SPTBN5: variants seen among roughly 807,000 people sequenced by gnomAD.
SPTBN5 encodes the protein spectrin beta chain, non-erythrocytic 5.
Under a neutral mutation model 477.6 loss-of-function variants are expected in SPTBN5, and 513 were observed. That is an observed-to-expected ratio of 1.07 (90% CI 1.00 to 1.16). The LOEUF (loss-of-function observed/expected upper bound fraction) is 1.16. Ranked by LOEUF, SPTBN5 falls within the 50% of genes most tolerant of loss-of-function variation. The pLI, the probability that SPTBN5 is intolerant of heterozygous loss-of-function variation, is 0.00. For missense variants in SPTBN5, 5,062 were observed against 4,731.8 expected (o/e 1.07, Z -2.05); for synonymous variants, 2,169 against 2,011.7 (o/e 1.08, Z -2.09).
Position 41,871,809 on chromosome 15 carries a change from G to A in SPTBN5, c.5274C>T (p.Ser1758=). 6.3e-7 allele frequency: 1 copy of A among 1,591,684 alleles called. No homozygotes were observed. The highest frequency in any genetic ancestry group is 1.7e-5 in the Admixed American group (1 of 57,778). The change falls in exon 28 of 68, where the codon AGC becomes AGT. Residue 1758 remains serine (S), a synonymous_variant. Coordinates refer to ENST00000320955, the MANE Select transcript of SPTBN5 (RefSeq NM_016642.4). Reference sequence around the variant, plus strand: ...GGGCGTGCTCGGGGTCCTCTCCCAGGCTCTCCCCTCCTTTGGCTGCCTGCT... The same window carrying A: ...GGGCGTGCTCGGGGTCCTCTCCCAGACTCTCCCCTCCTTTGGCTGCCTGCT... The part of the protein sequence containing the change: ...SQKQAAKGGE[S]LGEDPEHALH...
At position 41,857,577 on chromosome 15, in the gene SPTBN5, C is replaced by A. The variant is rs2140920097; in HGVS notation, c.8360G>T (p.Cys2787Phe). 1.9e-6 allele frequency: 3 copies of A among 1,609,804 alleles called. No individual in the cohort carries two copies. Among genetic ancestry groups the A allele is most frequent in the Non-Finnish European group, 2.5e-6 (3 of 1,178,184 alleles). Residue 2787 changes from cysteine to phenylalanine, a missense_variant, in exon 50 of 68, where the codon TGT (cysteine) becomes TTT (phenylalanine). Transcript: ENST00000320955. Reference sequence around the variant, plus strand: ...CCTCGGCCTGCACAACCTCACCTCACAGGCCTTCTGGAGCTTGGCCACCTT... The same window carrying A: ...CCTCGGCCTGCACAACCTCACCTCAAAGGCCTTCTGGAGCTTGGCCACCTT... Reference protein sequence around the residue: ...QKKVAKLQKACEALRLRRSME... With the variant: ...QKKVAKLQKAFEALRLRRSME...
intron 53 of SPTBN5, 33 bp downstream of exon 53, chr15:41,856,349 GGCTT>G: frequency 6.6e-7 from 1 of 1,504,554 alleles, no homozygotes; most frequent in Non-Finnish European, 8.9e-7. Context: ...CTGTGTTCCA[GGCTT>G]GCCTGCTGTG....
At chr15:41,855,867 C>T (rs1567186117) in intron 53 of SPTBN5, 122 bp from the exon 54 acceptor site, 17 of 1,058,394 alleles carry the variant, frequency 1.6e-5, no homozygotes, top group Admixed American at 5.7e-5. Flanking sequence ...GCTCCCTCAG[C>T]CTGGCCCCAC....
At chr15:41,864,105 T>C in intron 39 of SPTBN5, 81 bp from the exon 40 acceptor site, 1 of 1,271,644 alleles carries the variant, frequency 7.9e-7, no homozygotes, top group Non-Finnish European at 1.1e-6. Flanking sequence ...ACTGAAAGCA[T>C]GCCTGGGCCC....
rs61748710 is a variant in SPTBN5 at position 41,876,175 on chromosome 15, C to T, written c.4061G>A (p.Arg1354Gln). 1.8e-3 allele frequency: 2,900 copies of T among 1,605,980 alleles called. 47 individuals carry two copies. The African/African-American group carries it at 0.035, about 19-fold the overall frequency. ...TAGCTCGCTCTCAGCTGCTTCGTGC[C>T]GCTTGAGTGTCTGCAGGATGTTTCT... is the stretch of plus-strand genomic sequence containing the variant. ...ARRNILQTLK[R>Q]HEAAESELLA... The change falls in exon 21 of 68, where the codon CGG becomes CAG. Residue 1354 changes from arginine (R) to glutamine (Q), a missense_variant. By Grantham distance (43) the Arg-to-Gln change is conservative. Coordinates refer to ENST00000320955, the MANE Select transcript of SPTBN5 (RefSeq NM_016642.4).
chr15:41,875,085 G>A (rs2066680305), intron 22 of SPTBN5, 29 bp from the exon 23 acceptor site: 1 of 1,583,224 alleles, frequency 6.3e-7, no homozygotes, highest in Non-Finnish European at 8.6e-7. Context: ...GCTGCATTAG[G>A]TTCTCTGTGT....
chr15:41,881,749 C>T (rs1398510979), intron 12 of SPTBN5, among the ~76,000 whole-genome samples, 187 bp downstream of exon 12: 2 of 152,224 alleles, frequency 1.3e-5, no homozygotes, highest in Non-Finnish European at 2.9e-5. Context: ...GACAGGATTC[C>T]ACTACTTCTG....
rs542908862 is a variant in SPTBN5, at chr15:41,893,458, C to T, written c.40G>A (p.Ala14Thr). 1.6e-5 allele frequency: 26 copies of T among 1,606,402 alleles called. No individual in the cohort carries two copies. The South Asian group carries it at 2.4e-4, about 15-fold the overall frequency. Reference protein sequence around the residue: ...QPHSPRELLGAAGHRSRRPST... With the variant: ...QPHSPRELLGTAGHRSRRPST... ...GGCCTCCTGCTGCGGTGCCCTGCAG[C>T]CCCGAGGAGCTCCCGGGGACTGTGG... Residue 14 changes from alanine to threonine, a missense_variant, in exon 2 of 68, where the codon GCT becomes ACT. Transcript: ENST00000320955.
At chr15:41,870,653 G>C in intron 29 of SPTBN5, 93 bp from the exon 30 acceptor site, 1 of 1,048,536 alleles carries the variant, frequency 9.5e-7, no homozygotes, top group Non-Finnish European at 1.4e-6. Context: ...GCTCCTCTCT[G>C]AGTTGTATCG....
intron 22 of SPTBN5, 118 bp downstream of exon 22, chr15:41,875,340 G>A: frequency 1.6e-6 from 2 of 1,264,530 alleles, no homozygotes; most frequent in Non-Finnish European, 2.1e-6. Flanking sequence ...TAGGCCAGAA[G>A]CCTCCAGAGG....
chr15:41,877,102 T>C lies in SPTBN5; in HGVS notation c.3711+14A>G. On this transcript the variant is annotated intron_variant, in intron 18 of 67. Coordinates refer to ENST00000320955, the MANE Select transcript of SPTBN5 (RefSeq NM_016642.4). ...TGGGGAGTGACAGCCTAGCTCCACA[T>C]TCCTGCTCCATACCCCAAGGTTGTC... The C allele has an allele frequency of 6.2e-7, 1 of 1,613,580 alleles. No individual in the cohort carries two copies.
chr15:41,888,471 T>C (rs2067220668), intron 4 of SPTBN5, among the ~76,000 whole-genome samples: 1 of 152,200 alleles, frequency 6.6e-6, no homozygotes, highest in Non-Finnish European at 1.5e-5. Flanking sequence ...GTCCCGTCAC[T>C]GCAGGCTTTC....
chr15:41,870,356 G>C lies in SPTBN5; in HGVS notation c.5563-3C>G, dbSNP rs553088426. On this transcript the variant is annotated splice_polypyrimidine_tract_variant and splice_region_variant and intron_variant, in intron 30 of 67. Transcript: ENST00000320955. Reference sequence around the variant, plus strand: ...TTGGGGAGGCTCGTGGCTTTCTCCTGAGGAAGGGAGAATGCCGAGGAGATG... The same window carrying C: ...TTGGGGAGGCTCGTGGCTTTCTCCTCAGGAAGGGAGAATGCCGAGGAGATG... 3 of 1,581,046 alleles carry C rather than the reference G, an allele frequency of 1.9e-6. No homozygotes were observed. Among genetic ancestry groups the C allele is most frequent in the East Asian group, 4.6e-5 (2 of 43,154 alleles).
In SPTBN5 at chr15:41,856,853, C is replaced by A; in HGVS notation, c.8808G>T (p.Gln2936His). Reference protein sequence around the residue: ...SAVRHLQEQHQNLESEMSSHE... With the variant: ...SAVRHLQEQHHNLESEMSSHE... ...CAGCCCTCCCCGGGTGGGCCCACACCTGGTGCTGCTCCTGCAGGTGCCGCA... is the reference window on the plus strand; with the variant it reads ...CAGCCCTCCCCGGGTGGGCCCACACATGGTGCTGCTCCTGCAGGTGCCGCA... Residue 2936 changes from glutamine (Q) to histidine (H), a missense_variant and splice_region_variant, in exon 52 of 68, where the codon CAG becomes CAT. Physicochemically the swap from Gln to His is conservative, Grantham distance 24. Transcript: ENST00000320955. The A allele has an allele frequency of 6.5e-7, 1 of 1,544,612 alleles. No individual in the cohort carries two copies. The highest frequency in any genetic ancestry group is 1.2e-5 in the South Asian group (1 of 83,968).
chr15:41,848,743 C>G (rs951931488), intron 67 of SPTBN5, 115 bp from the exon 68 acceptor site: 1 of 1,239,246 alleles, frequency 8.1e-7, no homozygotes, highest in Non-Finnish European at 1.2e-6. Context: ...CTAGAATAAG[C>G]GTGGGAGTGG....
chr15:41,876,808 C>G lies in SPTBN5; in HGVS notation c.3851+1G>C. 1 of 1,609,974 alleles carries G rather than the reference C, an allele frequency of 6.2e-7. No homozygotes were observed. Among genetic ancestry groups the G allele is most frequent in the Non-Finnish European group, 8.5e-7 (1 of 1,179,782 alleles). ...GTGCTGCAGACTGAGGCCAGGCTCA[C>G]GTGTGTGCAGCTGGGTGCTGGCTCT... On this transcript the variant is annotated splice_donor_variant, in intron 19 of 67. Coordinates refer to ENST00000320955, the MANE Select transcript of SPTBN5 (RefSeq NM_016642.4). LOFTEE classifies it high-confidence loss of function.
In SPTBN5 at chr15:41,853,638, C is replaced by G. The variant is rs368008387; in HGVS notation, c.9924G>C (p.Gln3308His). The change falls in exon 58 of 68, where the codon CAG becomes CAC. Residue 3308 changes from glutamine (Q) to histidine (H), a missense_variant. Transcript: ENST00000320955. Reference sequence around the variant, plus strand: ...GGCCCTGTGCAGCCTGCGCCAGCCACTGGCCTCGCTCCTGGGCCTTCGCCT... The same window carrying G: ...GGCCCTGTGCAGCCTGCGCCAGCCAGTGGCCTCGCTCCTGGGCCTTCGCCT... ...TLQAKAQERG[Q>H]WLAQAAQGHA... 9.4e-6 allele frequency: 15 copies of G among 1,594,288 alleles called. No individual in the cohort carries two copies. The highest frequency in any genetic ancestry group is 1.3e-5 in the Non-Finnish European group (15 of 1,171,146).
rs12905012 is a variant in SPTBN5 at position 41,890,244 on chromosome 15, T to A, written c.385-39A>T. The A allele has an allele frequency of 3.6e-5, 52 of 1,451,586 alleles. No homozygotes were observed. In the South Asian group the frequency reaches 6.1e-4, roughly 17 times the overall value. 89.9% of individuals were successfully genotyped at this position (1,451,586 alleles called of 1,614,324 possible). A position where few individuals can be genotyped will look rare whatever the true frequency, so the allele number is the denominator to read the frequency against. ...TGGATGGGCTAAGCCATGAAGCCCA[T>A]GTCCAGAGAGGACTCAGTCACCAAA... On this transcript the variant is annotated intron_variant, in intron 3 of 67. Transcript: ENST00000320955.
At chr15:41,861,128 T>C (rs551483341) in intron 46 of SPTBN5, among the ~76,000 whole-genome samples, 2 of 152,302 alleles carry the variant, frequency 1.3e-5, no homozygotes, top group African/African-American at 2.4e-5. Flanking sequence ...AGCCAACCTC[T>C]AGGCATTTGG....
Sources: gnomAD v4.1 joint callset for allele counts (sites outside exome capture counted in the v4.1 genomes callset) on GRCh38, gnomAD v4.1.1 for gene constraint, MANE v1.5 for transcripts, NCBI Gene and HGNC (gene_info 2026-07-23, HGNC 2026-07-21) for gene names.